The following NLGN1 variants were observed in gnomAD, a reference collection of about 807,000 sequenced individuals.
The protein encoded by NLGN1 is neuroligin-1.
Under a neutral mutation model 65.5 loss-of-function variants are expected in NLGN1, and 12 were observed. That is an observed-to-expected ratio of 0.18 (90% confidence interval 0.12 to 0.30). The LOEUF is 0.30. Ranked by LOEUF, NLGN1 falls within the 10% of genes least tolerant of loss-of-function variation. The probability of loss-of-function intolerance (pLI) is 1.00; values close to 1 mark genes in which losing one functional copy is unlikely to be tolerated. For missense variants in NLGN1, 750 were observed against 1,007.1 expected, an observed-to-expected ratio of 0.74 and a Z score of 3.46; for synonymous variants, 350 against 359.5, an observed-to-expected ratio of 0.97 and a Z score of 0.30.
intron 4 of NLGN1, among the ~76,000 whole-genome samples, chr3:173,976,891 A>G (rs1717590235): frequency 6.6e-6 from 1 of 152,072 alleles, no homozygotes; most frequent in South Asian, 2.1e-4. Context: ...CACTTCACTG[A>G]CTTGTATCTA....
intron 4 of NLGN1, among the ~76,000 whole-genome samples, chr3:173,907,186 G>A (rs187896451): frequency 1.1e-4 from 17 of 152,182 alleles, no homozygotes; most frequent in Admixed American, 6.5e-4. Flanking sequence ...GCTCTGCTTC[G>A]TTATAAAGAA....
At chr3:173,762,617 T>C (rs555860759) in intron 3 of NLGN1, among the ~76,000 whole-genome samples, 13 of 152,152 alleles carry the variant, frequency 8.5e-5, no homozygotes, top group Middle Eastern at 3.4e-3. Context: ...ACCTAAGGCA[T>C]TCTCTAGTTA....
chr3:174,222,711 A>G (rs1375360782), intron 4 of NLGN1, among the ~76,000 whole-genome samples: 1 of 152,110 alleles, frequency 6.6e-6, no homozygotes, highest in South Asian at 2.1e-4. Context: ...CTGAGTTTGC[A>G]GTTCTCTTCC....
intron 4 of NLGN1, among the ~76,000 whole-genome samples, chr3:174,116,825 C>T (rs975721810): frequency 6.6e-6 from 1 of 152,114 alleles, no homozygotes; most frequent in African/African-American, 2.4e-5. Flanking sequence ...AGTTAAATTT[C>T]ATTTCAGTTC....
chr3:173,632,520 T>C (rs1365071533), intron 3 of NLGN1, among the ~76,000 whole-genome samples: 3 of 152,186 alleles, frequency 2.0e-5, no homozygotes, highest in South Asian at 2.1e-4. Flanking sequence ...ACTCAAAGAA[T>C]GAGCATAAAT....
At chr3:174,267,187 A>T (rs1450004307) in intron 4 of NLGN1, among the ~76,000 whole-genome samples, 1 of 152,202 alleles carries the variant, frequency 6.6e-6, no homozygotes, top group Non-Finnish European at 1.5e-5. Context: ...TTTATAAAGC[A>T]AAAAGATTTA....
chr3:173,597,569 G>GTCTGTACGTTT (rs2149421735), intron 2 of NLGN1, among the ~76,000 whole-genome samples: 1 of 152,056 alleles, frequency 6.6e-6, no homozygotes, highest in African/African-American at 2.4e-5. Context: ...TTTGTATCTA[G>GTCTGTACGTTT]TCTGTACGTT....
At chr3:173,517,437 C>T (rs1733983214) in intron 2 of NLGN1, among the ~76,000 whole-genome samples, 1 of 152,056 alleles carries the variant, frequency 6.6e-6, no homozygotes, top group Non-Finnish European at 1.5e-5. Flanking sequence ...CTCTCTTACT[C>T]CTCAACCAAA....
chr3:173,685,764 G>T, intron 3 of NLGN1: 1 of 985,352 alleles, frequency 1.0e-6, no homozygotes, highest in East Asian at 1.1e-4. Flanking sequence ...CATGTGCTGG[G>T]GCTTTTTGTA....
At chr3:174,093,712 A>G (rs1285338985) in intron 4 of NLGN1, among the ~76,000 whole-genome samples, 1 of 152,216 alleles carries the variant, frequency 6.6e-6, no homozygotes, top group Non-Finnish European at 1.5e-5. Flanking sequence ...CACCACACAT[A>G]TAATTATTTT....
At chr3:174,223,799 G>A (rs1213618424) in intron 4 of NLGN1, among the ~76,000 whole-genome samples, 1 of 152,158 alleles carries the variant, frequency 6.6e-6, no homozygotes, top group Non-Finnish European at 1.5e-5. Context: ...ATGACTTGGT[G>A]CCTACAGTAG....
chr3:173,436,069 G>A lies in NLGN1; in HGVS notation c.-321+991G>A, dbSNP rs11914530. 2.0e-5 allele frequency among the ~76,000 whole-genome samples: 3 copies of A among 152,206 alleles called. No individual in the cohort carries two copies. In the South Asian group the frequency reaches 6.2e-4, roughly 32 times the overall value. On this transcript the variant is annotated intron_variant, in intron 2 of 6. Coordinates refer to ENST00000457714, the Ensembl canonical transcript of NLGN1. ...CAAAATCAAACAACACATGATGTAT[G>A]TTATTAGAGCATGTCTATAACTCGC... is the stretch of plus-strand genomic sequence containing the variant.
intron 1 of NLGN1, among the ~76,000 whole-genome samples, chr3:173,403,473 A>G (rs1030567337): frequency 1.3e-5 from 2 of 152,146 alleles, no homozygotes; most frequent in South Asian, 2.1e-4. Context: ...GACTTCATAT[A>G]TGCTTTGCAC....
At position 174,280,581 on chromosome 3, in the gene NLGN1, C is replaced by A; in HGVS notation, c.1750C>A (p.Leu584Ile). 1 of 1,613,256 alleles carries A rather than the reference C, an allele frequency of 6.2e-7. No homozygotes were observed. The change falls in exon 7 of 7, where the codon CTT (leucine) becomes ATT (isoleucine). Residue 584 changes from leucine (L) to isoleucine (I), a missense_variant. By Grantham distance (5) the Leu-to-Ile change is conservative. Transcript: ENST00000457714. This position sits in a 1 kb window ranked among gnomAD's most constrained non-coding sequence, Gnocchi z 4.9. The stretch of plus-strand genomic sequence containing the variant: ...GACCAGATATTCCCAGAAAGACCAA[C>A]TTTATCTCCATATTGGATTAAAACC...
At chr3:173,960,677 G>A (rs1404333278) in intron 4 of NLGN1, among the ~76,000 whole-genome samples, 1 of 151,468 alleles carries the variant, frequency 6.6e-6, no homozygotes, top group Non-Finnish European at 1.5e-5. Context: ...AGAAAAATAT[G>A]TTTCCTATAT....
chr3:174,249,456 C>T (rs183060513), intron 4 of NLGN1, among the ~76,000 whole-genome samples: 2 of 152,274 alleles, frequency 1.3e-5, no homozygotes, highest in East Asian at 1.9e-4. Context: ...ATGGAGCTCA[C>T]AGGGCAAAGA....
At chr3:173,737,607 A>T (rs764350619) in intron 3 of NLGN1, among the ~76,000 whole-genome samples, 2 of 152,048 alleles carry the variant, frequency 1.3e-5, no homozygotes, top group Non-Finnish European at 2.9e-5. Context: ...TTTTTATTGC[A>T]CAATAATATT....
At chr3:173,691,732 C>G (rs2149827164) in intron 3 of NLGN1, among the ~76,000 whole-genome samples, 1 of 152,046 alleles carries the variant, frequency 6.6e-6, no homozygotes, top group East Asian at 1.9e-4. Flanking sequence ...TAGTTGGATT[C>G]TATATGATAC....
At chr3:173,674,814 G>A (rs1173586871) in intron 3 of NLGN1, among the ~76,000 whole-genome samples, 2 of 151,956 alleles carry the variant, frequency 1.3e-5, no homozygotes, top group African/African-American at 4.8e-5. Context: ...GTTGGGATGA[G>A]ACATAGGTTT....
Sources: gnomAD v4.1 joint callset for allele counts (sites outside exome capture counted in the v4.1 genomes callset) on GRCh38, gnomAD v4.1.1 for gene constraint, Gnocchi (gnomAD v3.1) non-coding constraint, MANE v1.5 for transcripts, NCBI Gene and HGNC (gene_info 2026-07-23, HGNC 2026-07-21) for gene names.